ANKS6: variants seen among roughly 807,000 people sequenced by gnomAD.
ANKS6 encodes ankyrin repeat and sterile alpha motif domain containing 6.
A neutral mutation model predicts 77.9 loss-of-function variants in ANKS6; 47 were observed. The observed-to-expected ratio is 0.60, with a 90% CI of 0.48 to 0.77. The LOEUF is 0.77. Among genes scored for constraint, ANKS6 ranks in the 30% least tolerant of loss-of-function variants. The probability of loss-of-function intolerance (pLI) is 0.00; values close to 1 mark genes in which losing one functional copy is unlikely to be tolerated. For missense variants in ANKS6, 1,150 were observed against 1,159.1 expected, an observed-to-expected ratio of 0.99 and a Z score of 0.11; for synonymous variants, 488 against 501.7, an observed-to-expected ratio of 0.97 and a Z score of 0.37.
intron 14 of ANKS6, among the ~76,000 whole-genome samples, chr9:98,740,368 C>A (rs1276673211): frequency 6.6e-6 from 1 of 152,192 alleles, no homozygotes; most frequent in Non-Finnish European, 1.5e-5. Flanking sequence ...TATGACAGAG[C>A]ATTGGATGCC....
At chr9:98,748,825 G>C (rs184756820) in intron 13 of ANKS6, among the ~76,000 whole-genome samples, 2 of 152,308 alleles carry the variant, frequency 1.3e-5, no homozygotes, top group East Asian at 1.9e-4. Context: ...CAGGTAGAAA[G>C]ATGAAAATTA....
rs144902102 is a variant in ANKS6, at chr9:98,769,170, A to G, written c.1973-920T>C. On this transcript the variant is annotated intron_variant, in intron 10 of 14. Transcript: ENST00000353234. ...AAGAAAGAAAGAAAAGAAAACAGTG[A>G]TAATACCCAGGGCTGGGGGGTGCTC... 3.1e-3 allele frequency among the ~76,000 whole-genome samples: 474 copies of G among 151,982 alleles called. 3 individuals are homozygous for G. The highest frequency in any genetic ancestry group is 0.011 in the African/African-American group (459 of 41,460).
Position 98,734,906 on chromosome 9 carries a change from A to C in ANKS6, c.*1613T>G. ...GTGGAAAGTTGGCTTCTGTGAGTGT[A>C]AGGCTGAGAGAATTTAAAGGAAAAA... On this transcript the variant is annotated 3_prime_UTR_variant, in exon 15 of 15. Transcript: ENST00000353234. 1.0e-6 allele frequency: 1 copy of C among 985,474 alleles called. No homozygotes were observed. The highest frequency in any genetic ancestry group is 1.7e-5 in the African/African-American group (1 of 57,372). The allele number at this position is 985,474 out of a possible 1,614,324, so 61.0% of individuals were successfully genotyped here.
At position 98,791,127 on chromosome 9, in the gene ANKS6, T is replaced by C. The variant is rs1834883103; in HGVS notation, c.360-521A>G. 1.3e-5 allele frequency among the ~76,000 whole-genome samples: 2 copies of C among 152,334 alleles called. No homozygotes were observed. Among genetic ancestry groups the C allele is most frequent in the South Asian group, 2.1e-4 (1 of 4,826 alleles). On this transcript the variant is annotated intron_variant, in intron 1 of 14. Transcript: ENST00000353234. The surrounding 1 kb of genome is among the most constrained non-coding windows in gnomAD (Gnocchi z 4.3). Reference sequence around the variant, plus strand: ...TGCCCTTGCTTTTTCTCTTACACCATGCTGCCTCCTACATTTCAGACAGTC... The same window carrying C: ...TGCCCTTGCTTTTTCTCTTACACCACGCTGCCTCCTACATTTCAGACAGTC...
At chr9:98,745,470 G>C in intron 14 of ANKS6, 89 bp downstream of exon 14, 1 of 1,235,826 alleles carries the variant, frequency 8.1e-7, no homozygotes, top group Admixed American at 1.7e-5. Context: ...CTGTCAGAGA[G>C]AGGAAGTAAG....
chr9:98,773,884 G>A lies in ANKS6; in HGVS notation c.1814C>T (p.Thr605Ile), dbSNP rs778580169. The A allele has an allele frequency of 1.3e-6, 2 of 1,557,234 alleles. No homozygotes were observed. Among genetic ancestry groups the A allele is most frequent in the Middle Eastern group, 1.8e-4 (1 of 5,538 alleles). Residue 605 changes from threonine (T) to isoleucine (I), a missense_variant, in exon 9 of 15, where the codon ACA becomes ATA. Thr to Ile is a moderately conservative substitution (Grantham distance 89). Transcript: ENST00000353234. ...SRGHPVGGGG[T>I]DTTPVRPVKF... ...TGTCAGAAGACAACTTACAGTGTCT[G>A]TGCCCCCGCCGCCCACGGGGTGGCC... is the stretch of plus-strand genomic sequence containing the variant.
intron 13 of ANKS6, among the ~76,000 whole-genome samples, chr9:98,750,642 A>G (rs138767132): frequency 6.6e-6 from 1 of 152,276 alleles, no homozygotes; most frequent in East Asian, 1.9e-4. Flanking sequence ...AATGCTTTTA[A>G]ACACATAGCA....
chr9:98,790,063 T>C (rs767290562), intron 2 of ANKS6, 41 bp downstream of exon 2: 7 of 1,522,054 alleles, frequency 4.6e-6, no homozygotes, highest in Non-Finnish European at 1.8e-6. Context: ...TAAACACAAT[T>C]TGGGGTCCTC....
At chr9:98,753,282 T>A (rs1832524681) in intron 12 of ANKS6, among the ~76,000 whole-genome samples, 1 of 152,178 alleles carries the variant, frequency 6.6e-6, no homozygotes, top group Admixed American at 6.5e-5. Flanking sequence ...GAGAGTTTTG[T>A]TTACATGAAC....
intron 1 of ANKS6, among the ~76,000 whole-genome samples, chr9:98,794,711 C>T (rs1835083436): frequency 1.3e-5 from 2 of 152,248 alleles, no homozygotes; most frequent in Non-Finnish European, 2.9e-5. Context: ...CAGTAAATTC[C>T]TCAGGGGGCT....
At chr9:98,796,091 G>A in intron 1 of ANKS6, 42 bp downstream of exon 1, 2 of 1,288,214 alleles carry the variant, frequency 1.6e-6, no homozygotes, top group Non-Finnish European at 9.8e-7. Context: ...GCCAGCGCCG[G>A]GCACCACTCT....
In ANKS6 at chr9:98,736,373, T is replaced by C. The variant is rs1425650989; in HGVS notation, c.*146A>G. 37 of 1,430,288 alleles carry C rather than the reference T, an allele frequency of 2.6e-5. No homozygotes were observed. Among genetic ancestry groups the C allele is most frequent in the Non-Finnish European group, 3.3e-5 (36 of 1,095,386 alleles). 88.6% of individuals were successfully genotyped at this position (1,430,288 alleles called of 1,614,324 possible). On this transcript the variant is annotated 3_prime_UTR_variant, in exon 15 of 15. Transcript: ENST00000353234. ...TGCAGCAAGAAGTACTACCAATGAATGCCGTCGACGTGAAGTGGGCATCCC... is the reference window on the plus strand; with the variant it reads ...TGCAGCAAGAAGTACTACCAATGAACGCCGTCGACGTGAAGTGGGCATCCC...
In ANKS6 at chr9:98,796,114, C is replaced by G; in HGVS notation, c.359+19G>C. ...CGGGCACCACTCTGGTCCCGGGCCC[C>G]CGGGCCCCGCCGCCTCACCTGGCCG... On this transcript the variant is annotated intron_variant, in intron 1 of 14. Coordinates refer to ENST00000353234, the MANE Select transcript of ANKS6 (RefSeq NM_173551.5). 1 of 1,335,138 alleles carries G rather than the reference C, an allele frequency of 7.5e-7. No homozygotes were observed. Among genetic ancestry groups the G allele is most frequent in the Non-Finnish European group, 9.6e-7 (1 of 1,044,664 alleles). 82.7% of individuals were successfully genotyped at this position (1,335,138 alleles called of 1,614,324 possible). A position where few individuals can be genotyped will look rare whatever the true frequency, so the allele number is the denominator to read the frequency against.
rs536522823 is a variant in ANKS6 at position 98,744,331 on chromosome 9, G to A, written c.2511+1228C>T. On this transcript the variant is annotated intron_variant, in intron 14 of 14. Coordinates refer to ENST00000353234, the MANE Select transcript of ANKS6 (RefSeq NM_173551.5). ...AATCCTGGCAGGGCTGAGAGGAGCC[G>A]CCTCTGCACAGCACAGTGCTGCAGA... is the stretch of plus-strand genomic sequence containing the variant. Among the ~76,000 whole-genome samples the A allele has an allele frequency of 1.7e-4, 26 of 152,250 alleles. 1 individual carries two copies. In the South Asian group the frequency reaches 3.3e-3, roughly 19 times the overall value.
intron 5 of ANKS6, among the ~76,000 whole-genome samples, chr9:98,781,337 C>T (rs1834243060): frequency 6.6e-6 from 1 of 152,128 alleles, no homozygotes; most frequent in Non-Finnish European, 1.5e-5. Flanking sequence ...GAATAAACGG[C>T]AGTGGAGGCT....
At chr9:98,766,619 T>TA (rs921135121) in intron 11 of ANKS6, among the ~76,000 whole-genome samples, 2 of 152,136 alleles carry the variant, frequency 1.3e-5, no homozygotes, top group Non-Finnish European at 2.9e-5. Context: ...ATTTTGAAGA[T>TA]AAAAAAATGG....
At chr9:98,775,036 G>T (rs1416031800) in intron 8 of ANKS6, among the ~76,000 whole-genome samples, 1 of 152,232 alleles carries the variant, frequency 6.6e-6, no homozygotes, top group African/African-American at 2.4e-5. Flanking sequence ...CACCTCCGGG[G>T]TTCCCAGGCT....
At chr9:98,756,161 T>A (rs927675359) in intron 12 of ANKS6, among the ~76,000 whole-genome samples, 2 of 152,130 alleles carry the variant, frequency 1.3e-5, no homozygotes, top group Non-Finnish European at 2.9e-5. Flanking sequence ...GGAGAAGCAC[T>A]TCCATGGGTG....
intron 9 of ANKS6, 92 bp from the exon 10 acceptor site, chr9:98,771,138 G>A (rs376797882): frequency 7.5e-7 from 1 of 1,329,042 alleles, no homozygotes; most frequent in East Asian, 2.8e-5. Flanking sequence ...TGCTCAGCTG[G>A]TGCATACCCC....
Sources: allele counts gnomAD v4.1 joint callset (sites outside exome capture counted in the v4.1 genomes callset), GRCh38; gene constraint gnomAD v4.1.1; non-coding constraint Gnocchi (gnomAD v3.1); transcripts MANE v1.5; gene names NCBI Gene and HGNC (gene_info 2026-07-23, HGNC 2026-07-21).